Variants in FAT3 observed in about 807,000 individuals in gnomAD.
FAT3 encodes FAT atypical cadherin 3, also known as protocadherin Fat 3.
Under a neutral mutation model 310.2 loss-of-function variants are expected in FAT3, and 95 were observed. The ratio of observed to expected loss-of-function variants is 0.31; its 90% confidence interval spans 0.26 to 0.36. The LOEUF is 0.36. Ranked by LOEUF, FAT3 falls within the 10% of genes least tolerant of loss-of-function variation. The pLI is 1.00. For synonymous variants in FAT3, 2,314 were observed against 2,192.9 expected (o/e 1.06, Z -1.54); for missense variants, 5,408 against 5,715.6 (o/e 0.95, Z 1.74).
chr11:92,259,017 G>A (rs566389042), intron 1 of FAT3, among the ~76,000 whole-genome samples: 24 of 152,008 alleles, frequency 1.6e-4, no homozygotes, highest in Non-Finnish European at 2.6e-4. Flanking sequence ...CTGTGTGTGG[G>A]GGGCGGGGGT....
intron 2 of FAT3, among the ~76,000 whole-genome samples, chr11:92,379,934 G>T (rs932796320): frequency 6.6e-6 from 1 of 152,064 alleles, no homozygotes; most frequent in Non-Finnish European, 1.5e-5. Context: ...AGGTAGATGA[G>T]GTAAAAAATC....
chr11:92,855,391 G>T (rs1486761502), intron 19 of FAT3, among the ~76,000 whole-genome samples: 2 of 152,148 alleles, frequency 1.3e-5, no homozygotes, highest in Non-Finnish European at 2.9e-5. Flanking sequence ...CCTCCATTGT[G>T]CTCACCTACC....
In FAT3 at chr11:92,896,282, T is replaced by G. The variant is rs1950030805; in HGVS notation, c.*5169T>G. ...TTCCTGCATATATTGCTGGTGGCAG[T>G]ATTCAGTCTTGTGTTCTTTTTCTAA... On this transcript the variant is annotated 3_prime_UTR_variant, in exon 28 of 28. Transcript: ENST00000525166. The G allele has an allele frequency of 6.8e-6, 1 of 146,330 alleles. No homozygotes were observed. The highest frequency in any genetic ancestry group is 1.5e-5 in the Non-Finnish European group (1 of 67,128). The allele number at this position is 146,330 out of a possible 1,614,324, so 9.1% of individuals were successfully genotyped here.
chr11:92,831,083 A>G (rs957192471), intron 13 of FAT3, among the ~76,000 whole-genome samples: 2 of 152,014 alleles, frequency 1.3e-5, no homozygotes, highest in Non-Finnish European at 2.9e-5. Context: ...TCCTGTTAAA[A>G]TCTACATCAC....
chr11:92,828,667 C>A (rs1316240860), intron 13 of FAT3, among the ~76,000 whole-genome samples: 1 of 152,082 alleles, frequency 6.6e-6, no homozygotes, highest in Non-Finnish European at 1.5e-5. Flanking sequence ...AGCAGAAAAA[C>A]CCTGTCATGG....
At chr11:92,550,953 C>A (rs893065888) in intron 3 of FAT3, among the ~76,000 whole-genome samples, 1 of 151,778 alleles carries the variant, frequency 6.6e-6, no homozygotes, top group Non-Finnish European at 1.5e-5. Context: ...AAGCCCTCTT[C>A]TTCTTGATTT....
At chr11:92,679,261 A>C (rs1314173554) in intron 3 of FAT3, among the ~76,000 whole-genome samples, 3 of 152,058 alleles carry the variant, frequency 2.0e-5, no homozygotes, top group Non-Finnish European at 4.4e-5. Flanking sequence ...ACATATGAGT[A>C]CAAGTATTTT....
At chr11:92,444,831 A>G (rs908963260) in intron 2 of FAT3, among the ~76,000 whole-genome samples, 1 of 152,186 alleles carries the variant, frequency 6.6e-6, no homozygotes, top group Non-Finnish European at 1.5e-5. Context: ...GAAACTACAC[A>G]TTTGAAATGT....
At chr11:92,418,422 C>T in intron 2 of FAT3, among the ~76,000 whole-genome samples, 1 of 41,300 alleles carries the variant, frequency 2.4e-5, no homozygotes, top group Non-Finnish European at 5.4e-5. Context: ...GTTAAACACC[C>T]CCCCCACCCC....
At chr11:92,748,894 T>C (rs367992261) in intron 4 of FAT3, 1 of 152,332 alleles carries the variant, frequency 6.6e-6, no homozygotes, top group East Asian at 1.9e-4. Flanking sequence ...TCCTTTGAGA[T>C]CTACCCTTTA....
chr11:92,376,109 A>G (rs1404463965), intron 2 of FAT3, among the ~76,000 whole-genome samples: 3 of 152,206 alleles, frequency 2.0e-5, no homozygotes, highest in Non-Finnish European at 2.9e-5. Flanking sequence ...ACAAATAAAT[A>G]GAAAGCATCC....
chr11:92,338,400 A>G (rs1948148382), intron 1 of FAT3, among the ~76,000 whole-genome samples: 1 of 152,132 alleles, frequency 6.6e-6, no homozygotes, highest in Admixed American at 6.5e-5. Context: ...GATATTAAGG[A>G]GAGGCATTTA....
Position 92,800,928 on chromosome 11 carries a change from C to G in FAT3, c.7915C>G (p.Leu2639Val). The G allele has an allele frequency of 6.2e-7, 1 of 1,612,630 alleles. No homozygotes were observed. The highest frequency in any genetic ancestry group is 8.5e-7 in the Non-Finnish European group (1 of 1,179,318). The change falls in exon 10 of 28, where the codon CTC (leucine) becomes GTC (valine). Residue 2639 changes from leucine to valine, a missense_variant. By Grantham distance (32) the Leu-to-Val change is conservative. Coordinates refer to ENST00000525166, the MANE Select transcript of FAT3 (RefSeq NM_001367949.2). ...DGANSRITYSLYSEASVSVAD... is the reference protein window; with the variant it reads ...DGANSRITYSVYSEASVSVAD... ...AGCAAATTCAAGGATTACTTATTCCCTCTATAGCGAGGCCTCTGTTTCAGT... is the reference window on the plus strand; with the variant it reads ...AGCAAATTCAAGGATTACTTATTCCGTCTATAGCGAGGCCTCTGTTTCAGT...
chr11:92,814,276 G>A (rs1947760623), intron 13 of FAT3, among the ~76,000 whole-genome samples: 1 of 152,178 alleles, frequency 6.6e-6, no homozygotes, highest in Non-Finnish European at 1.5e-5. Flanking sequence ...GATATAATCT[G>A]AAATCTGACT....
At chr11:92,753,540 G>A (rs912612567) in intron 4 of FAT3, among the ~76,000 whole-genome samples, 13 of 152,056 alleles carry the variant, frequency 8.5e-5, no homozygotes, top group African/African-American at 1.2e-4. Context: ...TTAGATTTCG[G>A]TTTAATGTTA....
chr11:92,320,441 A>G (rs1401874389), intron 1 of FAT3, among the ~76,000 whole-genome samples: 1 of 151,992 alleles, frequency 6.6e-6, no homozygotes, highest in Non-Finnish European at 1.5e-5. Context: ...TAAAGAAAAA[A>G]AAAATTATAG....
At chr11:92,313,695 G>C (rs766192009) in intron 1 of FAT3, among the ~76,000 whole-genome samples, 2 of 152,156 alleles carry the variant, frequency 1.3e-5, no homozygotes, top group Non-Finnish European at 2.9e-5. Context: ...GAGTAGCTTG[G>C]ATTACAGGCA....
At position 92,352,834 on chromosome 11, in the gene FAT3, A is replaced by G; in HGVS notation, c.722A>G (p.Tyr241Cys). Residue 241 changes from tyrosine to cysteine, a missense_variant, in exon 2 of 28, where the codon TAT (tyrosine) becomes TGT (cysteine). By Grantham distance (194) the Tyr-to-Cys change is radical. Around this residue, in one of 5 missense-constraint regions of FAT3, gnomAD observed 4,588 missense variants for 4,809.8 expected, o/e 0.95. Transcript: ENST00000525166. ...ILAVDRGMKL[Y>C]GNNGVSSTAK... ...GCTGTGGACCGGGGAATGAAACTGT[A>G]TGGGAACAATGGAGTGAGCAGTACT... 6.2e-7 allele frequency: 1 copy of G among 1,613,962 alleles called. No homozygotes were observed. The highest frequency in any genetic ancestry group is 8.5e-7 in the Non-Finnish European group (1 of 1,179,880).
intron 15 of FAT3, among the ~76,000 whole-genome samples, chr11:92,836,144 G>A (rs11020072): frequency 0.31 from 47,098 of 152,030 alleles, 8,166 homozygotes; most frequent in South Asian, 0.5. Context: ...TATTTGCTGT[G>A]TGGGAAGGGG....
Sources: allele counts gnomAD v4.1 joint callset (sites outside exome capture counted in the v4.1 genomes callset), GRCh38; gene constraint gnomAD v4.1.1; regional missense constraint gnomAD v4.1.1; transcripts MANE v1.5; gene names NCBI Gene and HGNC (gene_info 2026-07-23, HGNC 2026-07-21).